The following HIVEP1 variants were observed in gnomAD, a reference collection of about 807,000 sequenced individuals.
The protein encoded by HIVEP1 is HIVEP zinc finger 1.
Under a neutral mutation model 180.0 loss-of-function variants are expected in HIVEP1, and 36 were observed. The ratio of observed to expected loss-of-function variants is 0.20; its 90% confidence interval spans 0.15 to 0.26. The LOEUF is 0.26. HIVEP1 is among the 10% of genes least tolerant of loss of function. HIVEP1 has a pLI of 1.00. For synonymous variants in HIVEP1, 1,239 were observed against 1,239.0 expected (o/e 1.00, Z 0.00); for missense variants, 3,143 against 3,268.7 (o/e 0.96, Z 0.94).
At chr6:12,119,787 C>A in intron 3 of HIVEP1, 103 bp from the exon 4 acceptor site, 1 of 707,294 alleles carries the variant, frequency 1.4e-6, no homozygotes. Context: ...ACTTTCTTCA[C>A]TTGTCATAAT....
At chr6:12,146,494 C>T (rs746169264) in intron 7 of HIVEP1, among the ~76,000 whole-genome samples, 76 of 152,096 alleles carry the variant, frequency 5.0e-4, no homozygotes, top group Admixed American at 2.6e-4. Context: ...CATTAAATTC[C>T]TTCACTAAAA....
At chr6:12,204,530 C>G in the HIVEP1 span, among the ~76,000 whole-genome samples, 1 of 152,182 alleles carries the variant, frequency 6.6e-6, no homozygotes, top group African/African-American at 2.4e-5. Flanking sequence ...CGACTAAGAA[C>G]CTTTGGTTTT....
At chr6:12,058,119 T>C (rs906524036) in intron 2 of HIVEP1, among the ~76,000 whole-genome samples, 1 of 152,104 alleles carries the variant, frequency 6.6e-6, no homozygotes, top group Non-Finnish European at 1.5e-5. Context: ...AAGGAAGGCA[T>C]CTAGGTAATC....
the HIVEP1 span, among the ~76,000 whole-genome samples, chr6:12,192,489 T>C: frequency 6.6e-6 from 1 of 152,200 alleles, no homozygotes; most frequent in East Asian, 1.9e-4. Context: ...GAATTGTAAT[T>C]CCCAGTGTTG....
intron 4 of HIVEP1, among the ~76,000 whole-genome samples, chr6:12,128,925 T>G (rs1272725520): frequency 6.6e-6 from 1 of 152,126 alleles, no homozygotes; most frequent in East Asian, 1.9e-4. Context: ...AGAATTATGG[T>G]TTTAGCTGGG....
intron 3 of HIVEP1, among the ~76,000 whole-genome samples, chr6:12,092,441 C>T (rs1252768110): frequency 6.6e-6 from 1 of 152,004 alleles, no homozygotes; most frequent in Non-Finnish European, 1.5e-5. Flanking sequence ...AATTGTTGGC[C>T]CATTCTTCTG....
chr6:12,202,750 C>G, the HIVEP1 span, among the ~76,000 whole-genome samples: 3 of 152,162 alleles, frequency 2.0e-5, no homozygotes, highest in Non-Finnish European at 2.9e-5. Flanking sequence ...CCACCCACCC[C>G]CTACCTCAAA....
chr6:12,143,080 A>G (rs1286629837), intron 7 of HIVEP1, among the ~76,000 whole-genome samples: 6 of 152,140 alleles, frequency 3.9e-5, no homozygotes, highest in Non-Finnish European at 8.8e-5. Flanking sequence ...AGACATAACA[A>G]AAAAAAGAGA....
intron 2 of HIVEP1, among the ~76,000 whole-genome samples, chr6:12,057,386 G>A (rs1770950705): frequency 6.6e-6 from 1 of 152,168 alleles, no homozygotes; most frequent in Non-Finnish European, 1.5e-5. Context: ...TGCTTGAAAT[G>A]GTTGGCAGTC....
At chr6:12,017,702 A>G (rs192617450) in intron 2 of HIVEP1, among the ~76,000 whole-genome samples, 5 of 152,228 alleles carry the variant, frequency 3.3e-5, no homozygotes, top group Non-Finnish European at 5.9e-5. Flanking sequence ...AGCTAGACAC[A>G]AAAGTTCTCC....
chr6:12,161,078 T>C lies in HIVEP1; in HGVS notation c.6488-361T>C, dbSNP rs149856718. ...GCTCAGGAAAAGAGTTGCGTTGAAC[T>C]CTTTATTAATTTTATATGTAGTTCA... On this transcript the variant is annotated intron_variant, in intron 7 of 8. Coordinates refer to ENST00000379388, the MANE Select transcript of HIVEP1 (RefSeq NM_002114.4). Among the ~76,000 whole-genome samples, 287 of 152,340 alleles carry C rather than the reference T, an allele frequency of 1.9e-3. 1 individual carries two copies. Among genetic ancestry groups the C allele is most frequent in the African/African-American group, 6.6e-3 (274 of 41,572 alleles).
At chr6:12,033,404 C>T (rs553284589) in intron 2 of HIVEP1, among the ~76,000 whole-genome samples, 2 of 151,790 alleles carry the variant, frequency 1.3e-5, no homozygotes, top group Admixed American at 1.3e-4. Flanking sequence ...ATTGTTATGT[C>T]GACATTCTCA....
At chr6:12,172,802 T>C in the HIVEP1 span, among the ~76,000 whole-genome samples, 2 of 152,034 alleles carry the variant, frequency 1.3e-5, no homozygotes, top group Non-Finnish European at 2.9e-5. Flanking sequence ...TTTTTTTTTT[T>C]TCTACTGTTC....
chr6:12,057,247 A>G (rs1252742341), intron 2 of HIVEP1, among the ~76,000 whole-genome samples: 1 of 152,206 alleles, frequency 6.6e-6, no homozygotes, highest in Non-Finnish European at 1.5e-5. Flanking sequence ...GACTGATGAA[A>G]TAACAGGTGC....
intron 2 of HIVEP1, among the ~76,000 whole-genome samples, chr6:12,051,905 T>G (rs1448748130): frequency 6.6e-6 from 1 of 152,378 alleles, no homozygotes; most frequent in East Asian, 1.9e-4. Context: ...TGAAAAATTA[T>G]TCTTTTATAT....
chr6:12,144,183 T>C (rs1214091198), intron 7 of HIVEP1, among the ~76,000 whole-genome samples: 1 of 152,078 alleles, frequency 6.6e-6, no homozygotes, highest in African/African-American at 2.4e-5. Flanking sequence ...AAAACAGATA[T>C]ATAGACCAAT....
intron 2 of HIVEP1, among the ~76,000 whole-genome samples, chr6:12,058,461 C>A (rs1366684812): frequency 2.0e-5 from 3 of 152,126 alleles, no homozygotes; most frequent in African/African-American, 7.2e-5. Context: ...GATCTTATAG[C>A]TGAAAGGAAC....
the HIVEP1 span, among the ~76,000 whole-genome samples, chr6:12,191,574 C>T: frequency 1.3e-4 from 20 of 152,008 alleles, no homozygotes; most frequent in East Asian, 2.7e-3. Context: ...GCCTAGGCAG[C>T]AGAGTGAGAC....
the HIVEP1 span, among the ~76,000 whole-genome samples, chr6:12,179,931 GAGAAACTAAAC>G: frequency 1.3e-5 from 2 of 152,036 alleles, no homozygotes; most frequent in African/African-American, 4.8e-5. Context: ...TATAAAACAT[GAGAAACTAAAC>G]AGCTATGACA....
Sources: gnomAD v4.1 joint callset for allele counts (sites outside exome capture counted in the v4.1 genomes callset) on GRCh38, gnomAD v4.1.1 for gene constraint, MANE v1.5 for transcripts, NCBI Gene and HGNC (gene_info 2026-07-23, HGNC 2026-07-21) for gene names.